Variants in KMT2C observed in about 807,000 individuals in gnomAD.
KMT2C encodes lysine methyltransferase 2C.
A neutral mutation model predicts 507.9 loss-of-function variants in KMT2C; 88 were observed. The ratio of observed to expected loss-of-function variants is 0.17; its 90% CI spans 0.15 to 0.21. The LOEUF (loss-of-function observed/expected upper bound fraction) is 0.21. KMT2C is among the 10% of genes least tolerant of loss of function. KMT2C has a pLI of 1.00. For missense variants in KMT2C, 4,954 were observed against 5,957.8 expected (o/e 0.83, Z 5.55); for synonymous variants, 2,049 against 2,080.8 (o/e 0.98, Z 0.42).
chr7:152,179,800 C>T (rs2129117826), intron 37 of KMT2C, 34 bp downstream of exon 37: 1 of 1,592,444 alleles, frequency 6.3e-7, no homozygotes, highest in Non-Finnish European at 8.6e-7. Flanking sequence ...CTTCTAATAG[C>T]AATTTAAATT....
chr7:152,143,876 G>T (rs2090848507), intron 55 of KMT2C, among the ~76,000 whole-genome samples: 1 of 152,172 alleles, frequency 6.6e-6, no homozygotes, highest in African/African-American at 2.4e-5. Flanking sequence ...AAGATACTTT[G>T]CTGGCTGCTG....
intron 1 of KMT2C, among the ~76,000 whole-genome samples, chr7:152,431,399 C>A (rs1332439712): frequency 6.6e-6 from 1 of 151,984 alleles, no homozygotes; most frequent in Admixed American, 6.6e-5. Flanking sequence ...GAGATTGAGA[C>A]CATCCTGGCT....
rs147274805 is a variant in KMT2C at position 152,181,945 on chromosome 7, G to T, written c.5915C>A (p.Pro1972His). 18 of 1,614,066 alleles carry T rather than the reference G, an allele frequency of 1.1e-5. No individual in the cohort carries two copies. Among genetic ancestry groups the T allele is most frequent in the African/African-American group, 1.3e-5 (1 of 74,922 alleles). ...PYAKPPDTPR[P>H]VMTDQFPKSL... ...TTTGGGAAATTGATCTGTCATCACAGGCCTAGGTGTGTCTGGAGGTTTTGC... is the reference window on the plus strand; with the variant it reads ...TTTGGGAAATTGATCTGTCATCACATGCCTAGGTGTGTCTGGAGGTTTTGC... The change falls in exon 36 of 59, where the codon CCT becomes CAT. Residue 1972 changes from proline (P) to histidine (H), a missense_variant. By Grantham distance (77) the Pro-to-His change is moderately conservative (BLOSUM62 -2). Transcript: ENST00000262189.
chr7:152,339,823 G>A (rs1162619837), intron 2 of KMT2C, among the ~76,000 whole-genome samples: 1 of 151,966 alleles, frequency 6.6e-6, no homozygotes, highest in Non-Finnish European at 1.5e-5. Flanking sequence ...ATAATATAAA[G>A]CAAGCAGATA....
intron 24 of KMT2C, among the ~76,000 whole-genome samples, chr7:152,206,556 A>C (rs1392945750): frequency 2.6e-5 from 4 of 152,188 alleles, no homozygotes; most frequent in African/African-American, 9.7e-5. Context: ...TATAAGCAAT[A>C]AGAAGCATAA....
At chr7:152,421,414 C>A (rs1014043496) in intron 1 of KMT2C, among the ~76,000 whole-genome samples, 1 of 152,102 alleles carries the variant, frequency 6.6e-6, no homozygotes, top group Admixed American at 6.6e-5. Context: ...TAATAGAAAT[C>A]GTTCTACCAT....
intron 23 of KMT2C, among the ~76,000 whole-genome samples, chr7:152,219,023 G>A (rs1283003407): frequency 6.6e-6 from 1 of 151,010 alleles, no homozygotes; most frequent in African/African-American, 2.4e-5. Flanking sequence ...ACGCTGGAGT[G>A]CAGTGGTGCA....
rs1185824686 is a variant in KMT2C, at chr7:152,394,774, C to T, written c.162-36099G>A. Among the ~76,000 whole-genome samples the T allele has an allele frequency of 2.0e-5, 3 of 152,128 alleles. No homozygotes were observed. The East Asian group carries it at 5.8e-4, about 29-fold the overall frequency. On this transcript the variant is annotated intron_variant, in intron 1 of 58. Coordinates refer to ENST00000262189, the MANE Select transcript of KMT2C (RefSeq NM_170606.3). ...ATTTCCCGTGCTTATGGACTACTGC[C>T]TAATACATTTTAGGTGGTAAATGAT...
intron 6 of KMT2C, among the ~76,000 whole-genome samples, chr7:152,285,769 A>G (rs934664561): frequency 6.6e-6 from 1 of 152,254 alleles, no homozygotes; most frequent in Admixed American, 6.5e-5. Context: ...TGGACCACCT[A>G]AGGCCAGGAT....
intron 1 of KMT2C, chr7:152,366,951 G>A (rs1271875880): frequency 3.9e-6 from 2 of 512,936 alleles, no homozygotes; most frequent in Non-Finnish European, 6.9e-6. Flanking sequence ...TCGCAAGGTC[G>A]CGCAGAAGCT....
At chr7:152,143,364 C>G (rs995509369) in intron 55 of KMT2C, among the ~76,000 whole-genome samples, 1 of 152,180 alleles carries the variant, frequency 6.6e-6, no homozygotes, top group Non-Finnish European at 1.5e-5. Context: ...TCAGAAAGAA[C>G]AGAGAGACAA....
At chr7:152,377,941 AG>A (rs2097342196) in intron 1 of KMT2C, among the ~76,000 whole-genome samples, 2 of 152,220 alleles carry the variant, frequency 1.3e-5, no homozygotes, top group Non-Finnish European at 2.9e-5. Context: ...ACTCAAGTGG[AG>A]GAAGTCATTG....
intron 1 of KMT2C, among the ~76,000 whole-genome samples, chr7:152,416,964 C>G: frequency 6.7e-6 from 1 of 148,912 alleles, no homozygotes; most frequent in Admixed American, 6.7e-5. Flanking sequence ...CATGAGAATC[C>G]CTTGAACCTG....
chr7:152,373,158 A>G (rs536289200), intron 1 of KMT2C, among the ~76,000 whole-genome samples: 29 of 152,314 alleles, frequency 1.9e-4, no homozygotes, highest in Middle Eastern at 3.4e-3. Context: ...AATGCAGAAA[A>G]AAAACAGATA....
At chr7:152,139,114 C>T in intron 57 of KMT2C, 72 bp downstream of exon 57, 3 of 1,440,188 alleles carry the variant, frequency 2.1e-6, no homozygotes. Flanking sequence ...TTTCCCTTGG[C>T]TTCAGTGTTC....
At chr7:152,212,506 T>C (rs904199084) in intron 23 of KMT2C, among the ~76,000 whole-genome samples, 7 of 152,158 alleles carry the variant, frequency 4.6e-5, no homozygotes, top group African/African-American at 1.2e-4. Flanking sequence ...TGATCCTGTA[T>C]GTAGAAACCC....
intron 1 of KMT2C, among the ~76,000 whole-genome samples, chr7:152,370,193 C>CAA (rs756706044): frequency 1.1e-4 from 13 of 118,074 alleles, no homozygotes; most frequent in African/African-American, 1.9e-4. Flanking sequence ...GACTCCGTCT[C>CAA]AAAAAAAAAA....
chr7:152,268,532 A>G (rs1018154804), intron 7 of KMT2C, among the ~76,000 whole-genome samples: 8 of 152,192 alleles, frequency 5.3e-5, no homozygotes, highest in Non-Finnish European at 1.2e-4. Context: ...AATCACTTTT[A>G]AATGGCTCTT....
At chr7:152,306,793 G>T (rs549845572) in intron 6 of KMT2C, among the ~76,000 whole-genome samples, 1 of 152,312 alleles carries the variant, frequency 6.6e-6, no homozygotes, top group East Asian at 1.9e-4. Context: ...TTTTGCCAGT[G>T]AGACAAGTCT....
Sources: gnomAD v4.1 joint callset for allele counts (sites outside exome capture counted in the v4.1 genomes callset) on GRCh38, gnomAD v4.1.1 for gene constraint, MANE v1.5 for transcripts, NCBI Gene and HGNC (gene_info 2026-07-23, HGNC 2026-07-21) for gene names.